Variants in APBA1 observed in about 807,000 individuals in gnomAD.
The protein encoded by APBA1 is amyloid beta precursor protein binding family A member 1.
APBA1 carries 55 observed loss-of-function variants against 86.6 expected under a neutral mutation model. That is an observed-to-expected ratio of 0.64 (90% CI 0.51 to 0.80). APBA1 has a LOEUF of 0.80. Ranked by LOEUF, APBA1 falls within the 30% of genes least tolerant of loss-of-function variation. APBA1 has a pLI of 0.00. For synonymous variants in APBA1, 511 were observed against 493.9 expected (o/e 1.03, Z -0.46); for missense variants, 1,090 against 1,183.0 (o/e 0.92, Z 1.15).
At chr9:69,558,702 C>G (rs1031223146) in intron 1 of APBA1, among the ~76,000 whole-genome samples, 6 of 151,934 alleles carry the variant, frequency 3.9e-5, no homozygotes, top group Non-Finnish European at 7.4e-5. Flanking sequence ...GATGTTATGC[C>G]TAGTACCCAA....
At chr9:69,483,157 C>CAAAAA (rs1192992471) in intron 2 of APBA1, among the ~76,000 whole-genome samples, 1 of 73,366 alleles carries the variant, frequency 1.4e-5, no homozygotes. Flanking sequence ...AAAAACGAAA[C>CAAAAA]AAAAAAAAAA....
chr9:69,563,394 A>G (rs1482376625), intron 1 of APBA1, among the ~76,000 whole-genome samples: 1 of 152,238 alleles, frequency 6.6e-6, no homozygotes, highest in Non-Finnish European at 1.5e-5. Flanking sequence ...ATGACTACAA[A>G]TAAAAAGCTG....
At chr9:69,492,898 G>A (rs548006083) in intron 2 of APBA1, among the ~76,000 whole-genome samples, 2 of 152,172 alleles carry the variant, frequency 1.3e-5, no homozygotes, top group South Asian at 4.2e-4. Flanking sequence ...ATGAAGGGCA[G>A]GAGAACATAA....
intron 3 of APBA1, among the ~76,000 whole-genome samples, chr9:69,473,240 A>G (rs1364309883): frequency 6.6e-6 from 1 of 152,214 alleles, no homozygotes; most frequent in East Asian, 1.9e-4. Flanking sequence ...TACCTAAGTG[A>G]GAAGATAGGC....
At chr9:69,564,807 A>C (rs1836999683) in intron 1 of APBA1, among the ~76,000 whole-genome samples, 1 of 152,328 alleles carries the variant, frequency 6.6e-6, no homozygotes, top group Non-Finnish European at 1.5e-5. Flanking sequence ...CATGTGATCC[A>C]GTAATTCCAG....
At chr9:69,519,320 C>A (rs1227643540) in intron 1 of APBA1, among the ~76,000 whole-genome samples, 2 of 152,232 alleles carry the variant, frequency 1.3e-5, no homozygotes, top group Middle Eastern at 6.3e-3. Context: ...AGAGTTCATG[C>A]TCCAATACTG....
chr9:69,449,466 G>T, intron 10 of APBA1, 118 bp downstream of exon 10: 1 of 939,368 alleles, frequency 1.1e-6, no homozygotes. Flanking sequence ...TTGTGTTTGT[G>T]TCTTCCTTGG....
chr9:69,487,245 A>G (rs1249450956), intron 2 of APBA1, among the ~76,000 whole-genome samples: 1 of 152,092 alleles, frequency 6.6e-6, no homozygotes, highest in African/African-American at 2.4e-5. Flanking sequence ...ACACACAAAA[A>G]GTGAGTTCTA....
At chr9:69,450,144 T>C (rs894115405) in intron 9 of APBA1, among the ~76,000 whole-genome samples, 3 of 149,960 alleles carry the variant, frequency 2.0e-5, no homozygotes, top group Non-Finnish European at 3.0e-5. Flanking sequence ...TGGTGTGTTA[T>C]GGTTTCTAGA....
intron 1 of APBA1, among the ~76,000 whole-genome samples, chr9:69,618,253 TCA>T (rs1282174867): frequency 6.6e-6 from 1 of 152,186 alleles, no homozygotes; most frequent in Non-Finnish European, 1.5e-5. Context: ...CCAGGTCTTC[TCA>T]GACTCTTCAT....
chr9:69,571,024 G>T (rs894880777), intron 1 of APBA1, among the ~76,000 whole-genome samples: 2 of 152,110 alleles, frequency 1.3e-5, no homozygotes, highest in African/African-American at 4.8e-5. Context: ...GTGGATGGTG[G>T]ATTCTAATCC....
rs893430110 is a variant in APBA1 at position 69,562,835 on chromosome 9, G to C, written c.-69-45556C>G. Reference sequence around the variant, plus strand: ...TCTGGGCTTAACAATACAATACAATGCTCTTTTAAAATATTGATTTAAAAA... The same window carrying C: ...TCTGGGCTTAACAATACAATACAATCCTCTTTTAAAATATTGATTTAAAAA... On this transcript the variant is annotated intron_variant, in intron 1 of 12. Coordinates refer to ENST00000265381, the MANE Select transcript of APBA1 (RefSeq NM_001163.4). Among the ~76,000 whole-genome samples the C allele has an allele frequency of 2.6e-5, 4 of 152,200 alleles. No homozygotes were observed. In the South Asian group the frequency reaches 8.3e-4, roughly 32 times the overall value.
At chr9:69,522,998 G>A (rs145293453) in intron 1 of APBA1, among the ~76,000 whole-genome samples, 5 of 152,274 alleles carry the variant, frequency 3.3e-5, no homozygotes, top group Non-Finnish European at 2.9e-5. Context: ...GGGTCTCCAC[G>A]TTACCAGTGG....
intron 2 of APBA1, among the ~76,000 whole-genome samples, chr9:69,504,941 C>A (rs533344369): frequency 5.3e-4 from 81 of 152,002 alleles, no homozygotes; most frequent in Admixed American, 1.0e-3. Context: ...TAATCCTCTT[C>A]TTTTTCAGCC....
At chr9:69,651,676 A>G (rs575226277) in intron 1 of APBA1, among the ~76,000 whole-genome samples, 2 of 152,136 alleles carry the variant, frequency 1.3e-5, no homozygotes, top group Non-Finnish European at 2.9e-5. Flanking sequence ...GGGTTTCGCC[A>G]TGTTGGCCAG....
intron 1 of APBA1, among the ~76,000 whole-genome samples, chr9:69,576,092 A>C (rs1471768315): frequency 6.6e-6 from 1 of 152,248 alleles, no homozygotes; most frequent in Non-Finnish European, 1.5e-5. Context: ...ATGCAGCCAA[A>C]AGACACATGA....
intron 1 of APBA1, among the ~76,000 whole-genome samples, chr9:69,588,025 C>CAAAAAA (rs35212894): frequency 9.4e-6 from 1 of 106,630 alleles, no homozygotes; most frequent in South Asian, 3.4e-4. Context: ...GACTCTGTCT[C>CAAAAAA]AAAAAAAAAA....
chr9:69,571,465 C>T (rs552080043), intron 1 of APBA1, among the ~76,000 whole-genome samples: 2 of 152,108 alleles, frequency 1.3e-5, no homozygotes, highest in South Asian at 4.2e-4. Context: ...ATACTAAGTA[C>T]AAAACTAAAT....
intron 2 of APBA1, among the ~76,000 whole-genome samples, chr9:69,484,753 C>T (rs565515595): frequency 1.3e-5 from 2 of 152,158 alleles, no homozygotes; most frequent in African/African-American, 2.4e-5. Context: ...CCAACTGCCT[C>T]GCCTTGGGTC....
Sources: allele counts gnomAD v4.1 joint callset (sites outside exome capture counted in the v4.1 genomes callset), GRCh38; gene constraint gnomAD v4.1.1; transcripts MANE v1.5; gene names NCBI Gene and HGNC (gene_info 2026-07-23, HGNC 2026-07-21).